NRXN3: variants seen among roughly 807,000 people sequenced by gnomAD.
NRXN3 encodes the protein neurexin III.
In NRXN3, 32 loss-of-function variants were observed where a neutral mutation model predicts 137.6. The observed-to-expected ratio is 0.23, with a 90% CI of 0.18 to 0.31. The LOEUF (loss-of-function observed/expected upper bound fraction) is 0.31. NRXN3 is among the 10% of genes least tolerant of loss of function. NRXN3 has a pLI of 1.00. For missense variants in NRXN3, 1,574 were observed against 2,062.5 expected (o/e 0.76, Z 4.59); for synonymous variants, 798 against 784.5 (o/e 1.02, Z -0.29).
intron 19 of NRXN3, among the ~76,000 whole-genome samples, chr14:79,747,261 C>T (rs1006705204): frequency 6.6e-6 from 1 of 152,004 alleles, no homozygotes; most frequent in Non-Finnish European, 1.5e-5. Context: ...GAGCACTCTG[C>T]CACTAGGATT....
intron 4 of NRXN3, among the ~76,000 whole-genome samples, chr14:78,377,018 A>G (rs2087984446): frequency 6.6e-6 from 1 of 152,202 alleles, no homozygotes; most frequent in Admixed American, 6.5e-5. Context: ...GAAAAAGAAA[A>G]CAGAAATAAA....
intron 15 of NRXN3, among the ~76,000 whole-genome samples, chr14:79,162,108 G>GT (rs3035610): frequency 2.3e-4 from 34 of 147,634 alleles, no homozygotes; most frequent in African/African-American, 7.3e-4. Flanking sequence ...TTTTGTTTTT[G>GT]TTTTTTTTTT....
At chr14:79,366,670 A>G (rs1280490961) in intron 15 of NRXN3, among the ~76,000 whole-genome samples, 1 of 152,112 alleles carries the variant, frequency 6.6e-6, no homozygotes, top group African/African-American at 2.4e-5. Context: ...GCTGCTCTTC[A>G]TTCATTAATT....
chr14:78,645,188 A>G lies in NRXN3; in HGVS notation c.826A>G (p.Ile276Val). The stretch of plus-strand genomic sequence containing the variant: ...GTGCTACGACCTGTCTCAGAACCCG[A>G]TCCAGAGCAGCAGTGATGAAATCAC... ...YLCYDLSQNP[I>V]QSSSDEITLS... Residue 276 changes from isoleucine to valine, a missense_variant, in exon 5 of 21, where the codon ATC becomes GTC. This residue lies in a region of NRXN3 where 400 missense variants were observed against 527.3 expected (regional missense o/e 0.76). Transcript: ENST00000335750. 6.3e-7 allele frequency: 1 copy of G among 1,596,372 alleles called. No homozygotes were observed. The highest frequency in any genetic ancestry group is 8.5e-7 in the Non-Finnish European group (1 of 1,178,780).
At chr14:78,402,465 T>C (rs1226031994) in intron 4 of NRXN3, among the ~76,000 whole-genome samples, 1 of 152,224 alleles carries the variant, frequency 6.6e-6, no homozygotes, top group African/African-American at 2.4e-5. Flanking sequence ...CCGTTTGTTC[T>C]TTTAAGAATC....
At chr14:79,510,224 G>A (rs28673096) in intron 16 of NRXN3, among the ~76,000 whole-genome samples, 42 of 152,270 alleles carry the variant, frequency 2.8e-4, no homozygotes, top group African/African-American at 9.4e-4. Flanking sequence ...GAAGATCTAG[G>A]GGTTCTCGGG....
chr14:78,589,633 T>C (rs1191351199), intron 4 of NRXN3, among the ~76,000 whole-genome samples: 3 of 152,204 alleles, frequency 2.0e-5, no homozygotes, highest in Non-Finnish European at 4.4e-5. Context: ...GAGTGTGTTT[T>C]ATCTTGTTTC....
At chr14:79,076,477 G>A (rs1057013426) in intron 15 of NRXN3, among the ~76,000 whole-genome samples, 2 of 152,136 alleles carry the variant, frequency 1.3e-5, no homozygotes, top group African/African-American at 2.4e-5. Context: ...ATGGCTGGTG[G>A]CAGGCCTTAG....
rs774162640 is a variant in NRXN3 at position 78,709,549 on chromosome 14, C to T, written c.1554C>T (p.Tyr518=). 5.0e-6 allele frequency: 8 copies of T among 1,614,098 alleles called. No individual in the cohort carries two copies. Among genetic ancestry groups the T allele is most frequent in the Non-Finnish European group, 6.8e-6 (8 of 1,180,004 alleles). ...FAVELLDGNL[Y]LLLDMGSGTI... is the part of the protein sequence containing the mutation. ...TGGAACTCCTCGATGGCAACCTGTA[C>T]TTGCTGCTTGACATGGGCTCTGGCA... is the stretch of plus-strand genomic sequence containing the variant. The change falls in exon 7 of 21, where the codon TAC becomes TAT. Residue 518 remains tyrosine (Y), a synonymous_variant. Transcript: ENST00000335750.
intron 15 of NRXN3, among the ~76,000 whole-genome samples, chr14:79,156,212 C>G (rs1309397443): frequency 6.6e-6 from 1 of 151,800 alleles, no homozygotes; most frequent in South Asian, 2.1e-4. Context: ...ATTAGAGTAA[C>G]CGTTTTACAG....
At chr14:79,460,120 T>G (rs991753515) in intron 15 of NRXN3, among the ~76,000 whole-genome samples, 5 of 152,276 alleles carry the variant, frequency 3.3e-5, no homozygotes, top group African/African-American at 9.6e-5. Flanking sequence ...CCAGAAACTA[T>G]GTGCGTGTGT....
At chr14:78,530,301 G>A (rs948792841) in intron 4 of NRXN3, among the ~76,000 whole-genome samples, 3 of 152,172 alleles carry the variant, frequency 2.0e-5, no homozygotes, top group African/African-American at 7.2e-5. Flanking sequence ...TCCCTGAACA[G>A]CAGGATGAAG....
intron 19 of NRXN3, among the ~76,000 whole-genome samples, chr14:79,792,721 G>A (rs2099149054): frequency 6.6e-6 from 1 of 152,162 alleles, no homozygotes; most frequent in Admixed American, 6.5e-5. Context: ...GGGCCAGGGT[G>A]GAAAGGCCGC....
At chr14:79,234,477 G>T (rs913300531) in intron 15 of NRXN3, among the ~76,000 whole-genome samples, 18 of 149,786 alleles carry the variant, frequency 1.2e-4, no homozygotes, top group African/African-American at 4.2e-4. Context: ...TCCACCTCCT[G>T]AGGTTCAAGC....
At chr14:79,296,745 G>T (rs911150171) in intron 15 of NRXN3, among the ~76,000 whole-genome samples, 10 of 152,170 alleles carry the variant, frequency 6.6e-5, no homozygotes, top group Admixed American at 2.6e-4. Flanking sequence ...TTATAGGATG[G>T]TGCTGTATCT....
At chr14:79,708,414 A>C (rs904556876) in intron 19 of NRXN3, among the ~76,000 whole-genome samples, 1 of 152,156 alleles carries the variant, frequency 6.6e-6, no homozygotes, top group South Asian at 2.1e-4. Context: ...GATGCTGAGG[A>C]ATGACTGTAC....
chr14:78,863,410 A>T (rs946036547), intron 10 of NRXN3, among the ~76,000 whole-genome samples: 2 of 151,632 alleles, frequency 1.3e-5, no homozygotes, highest in Non-Finnish European at 2.9e-5. Context: ...TATTTTTTCC[A>T]TTGTTGTTTC....
At chr14:79,103,382 T>C (rs1446444069) in intron 15 of NRXN3, among the ~76,000 whole-genome samples, 3 of 152,192 alleles carry the variant, frequency 2.0e-5, no homozygotes, top group African/African-American at 7.2e-5. Context: ...GGTTCTTTGT[T>C]TGAGTAATGA....
intron 15 of NRXN3, among the ~76,000 whole-genome samples, chr14:79,077,061 G>A (rs1033507473): frequency 5.3e-5 from 8 of 152,052 alleles, no homozygotes; most frequent in Middle Eastern, 3.2e-3. Context: ...TCCAGTTATC[G>A]TCAAGGGAAT....
Sources: allele counts gnomAD v4.1 joint callset (sites outside exome capture counted in the v4.1 genomes callset), GRCh38; gene constraint gnomAD v4.1.1; regional missense constraint gnomAD v4.1.1; transcripts MANE v1.5; gene names NCBI Gene and HGNC (gene_info 2026-07-23, HGNC 2026-07-21).